ADAM12: variants seen among roughly 807,000 people sequenced by gnomAD.
ADAM12 encodes the protein disintegrin and metalloproteinase domain-containing protein 12.
In ADAM12, 70 loss-of-function variants were observed where a neutral mutation model predicts 106.4. That is an observed-to-expected ratio of 0.66 (90% CI 0.54 to 0.80). ADAM12 has a LOEUF of 0.80. Among genes scored for constraint, ADAM12 ranks in the 30% least tolerant of loss-of-function variants. ADAM12 has a pLI of 0.00. For missense variants in ADAM12, 1,010 were observed against 1,171.9 expected (o/e 0.86, Z 2.02); for synonymous variants, 420 against 433.5 (o/e 0.97, Z 0.39).
chr10:126,194,278 CAAA>C (rs35778124), intron 3 of ADAM12, among the ~76,000 whole-genome samples: 5 of 58,070 alleles, frequency 8.6e-5, no homozygotes, highest in Admixed American at 3.3e-4. Context: ...TTCATATGCT[CAAA>C]AAAAAAAAAA....
chr10:126,135,255 G>A (rs1019591235), intron 5 of ADAM12: 3 of 287,170 alleles, frequency 1.0e-5, no homozygotes. Context: ...TTTAGCACTG[G>A]GAATTATAAA....
In ADAM12 at chr10:126,094,182, C is replaced by T. The variant is rs182246106; in HGVS notation, c.997-49G>A. 6.8e-5 allele frequency: 107 copies of T among 1,566,956 alleles called. No individual in the cohort carries two copies. The African/African-American group carries it at 1.2e-3, about 18-fold the overall frequency. The stretch of plus-strand genomic sequence containing the variant: ...GGTGTATAATTCATATCTCCTTGGC[C>T]TTATTTCCCAGGTCTCCCTCCCCAC... On this transcript the variant is annotated intron_variant, in intron 10 of 22. Coordinates refer to ENST00000448723, the MANE Select transcript of ADAM12 (RefSeq NM_001288973.2).
At position 126,249,179 on chromosome 10, in the gene ADAM12, CTCTT is replaced by C. The variant is rs1476581592; in HGVS notation, c.260+29732_260+29735del. On this transcript the variant is annotated intron_variant, in intron 3 of 22. Transcript: ENST00000448723. ...CTCTAGGCTAAAATGTTCTCATCCTCTCTTTCTAATTAACTCTGGAAGATATTTT... is the reference window on the plus strand; with the variant it reads ...CTCTAGGCTAAAATGTTCTCATCCTCTCTAATTAACTCTGGAAGATATTTT... Among the ~76,000 whole-genome samples the C allele has an allele frequency of 3.9e-5, 6 of 152,324 alleles. No individual in the cohort carries two copies. In the East Asian group the frequency reaches 5.8e-4, roughly 15 times the overall value.
chr10:126,017,974 AAATAACTTC>A (rs1158296261), intron 22 of ADAM12, among the ~76,000 whole-genome samples: 1 of 152,248 alleles, frequency 6.6e-6, no homozygotes, highest in Non-Finnish European at 1.5e-5. Flanking sequence ...AGAACAAGAA[AAATAACTTC>A]AAGATCAACA....
chr10:126,167,410 A>G (rs1293300653), intron 3 of ADAM12, among the ~76,000 whole-genome samples: 1 of 152,214 alleles, frequency 6.6e-6, no homozygotes, highest in Non-Finnish European at 1.5e-5. Flanking sequence ...TTAATGTAGC[A>G]ATCTCTGTCT....
At chr10:126,299,807 C>A (rs1323425782) in intron 2 of ADAM12, among the ~76,000 whole-genome samples, 1 of 152,232 alleles carries the variant, frequency 6.6e-6, no homozygotes, top group African/African-American at 2.4e-5. Flanking sequence ...CCACGCCTGG[C>A]TAATTTTTGT....
At chr10:126,212,921 G>T (rs1957927122) in intron 3 of ADAM12, among the ~76,000 whole-genome samples, 1 of 150,844 alleles carries the variant, frequency 6.6e-6, no homozygotes, top group Admixed American at 6.6e-5. Context: ...GCATTATTGA[G>T]ATATGCTTCA....
intron 2 of ADAM12, among the ~76,000 whole-genome samples, chr10:126,327,357 C>G (rs1249407788): frequency 6.6e-6 from 1 of 152,134 alleles, no homozygotes; most frequent in Non-Finnish European, 1.5e-5. Context: ...GAATTTGAGG[C>G]CCCCTTTCTT....
chr10:126,135,435 G>T, intron 5 of ADAM12, 149 bp downstream of exon 5: 1 of 699,262 alleles, frequency 1.4e-6, no homozygotes. Flanking sequence ...TGGAGAGAGG[G>T]CCTCCGTGTT....
intron 14 of ADAM12, among the ~76,000 whole-genome samples, chr10:126,050,140 T>A (rs1419729914): frequency 6.6e-6 from 1 of 152,240 alleles, no homozygotes; most frequent in East Asian, 1.9e-4. Flanking sequence ...TCTTCTATGA[T>A]ATTTTTAGTC....
intron 14 of ADAM12, among the ~76,000 whole-genome samples, chr10:126,054,051 C>T (rs927854115): frequency 2.0e-5 from 3 of 152,124 alleles, no homozygotes; most frequent in Non-Finnish European, 2.9e-5. Flanking sequence ...CCTGCACTTC[C>T]GGCTTTCTCA....
intron 3 of ADAM12, among the ~76,000 whole-genome samples, chr10:126,161,224 A>G (rs1041405655): frequency 2.0e-5 from 3 of 152,208 alleles, no homozygotes; most frequent in Non-Finnish European, 2.9e-5. Context: ...GTAAGCATTA[A>G]TAGCTGCTAA....
intron 3 of ADAM12, among the ~76,000 whole-genome samples, chr10:126,221,764 C>T (rs1181540509): frequency 6.6e-6 from 1 of 152,158 alleles, no homozygotes; most frequent in Non-Finnish European, 1.5e-5. Context: ...CCTCCTTCTC[C>T]CAGGAGATTA....
chr10:126,216,433 C>T (rs554627507), intron 3 of ADAM12, among the ~76,000 whole-genome samples: 5 of 152,348 alleles, frequency 3.3e-5, no homozygotes, highest in African/African-American at 1.2e-4. Context: ...TGTTTCCCAA[C>T]TGTTACAGAG....
At chr10:126,350,589 G>A (rs1000052212) in intron 1 of ADAM12, among the ~76,000 whole-genome samples, 13 of 152,350 alleles carry the variant, frequency 8.5e-5, no homozygotes, top group East Asian at 5.8e-4. Context: ...AGCATTTTCC[G>A]CAGTGACCTG....
intron 18 of ADAM12, 142 bp from the exon 19 acceptor site, chr10:126,039,571 C>G: frequency 1.0e-6 from 1 of 989,892 alleles, no homozygotes; most frequent in Admixed American, 2.4e-5. Context: ...TACTAATAAA[C>G]TGTCTTACTT....
At chr10:126,221,873 T>C (rs1958101157) in intron 3 of ADAM12, among the ~76,000 whole-genome samples, 1 of 152,250 alleles carries the variant, frequency 6.6e-6, no homozygotes, top group Non-Finnish European at 1.5e-5. Context: ...TCATTAAACG[T>C]GCCCAATGGT....
intron 3 of ADAM12, among the ~76,000 whole-genome samples, chr10:126,174,523 C>G (rs1460841982): frequency 2.0e-5 from 3 of 152,096 alleles, no homozygotes; most frequent in Admixed American, 2.0e-4. Context: ...TTATTAACAA[C>G]TTTAAGACAC....
intron 3 of ADAM12, among the ~76,000 whole-genome samples, chr10:126,174,757 C>CT (rs201248510): frequency 1.2e-3 from 171 of 145,532 alleles, no homozygotes; most frequent in Middle Eastern, 7.2e-3. Flanking sequence ...CTCACCCCCC[C>CT]TTTTTTTTTT....
Sources: allele counts gnomAD v4.1 joint callset (sites outside exome capture counted in the v4.1 genomes callset), GRCh38; gene constraint gnomAD v4.1.1; transcripts MANE v1.5; gene names NCBI Gene and HGNC (gene_info 2026-07-23, HGNC 2026-07-21).